HLCS: variants seen among roughly 807,000 people sequenced by gnomAD.
HLCS encodes biotin--protein ligase.
HLCS carries 53 observed loss-of-function variants against 75.0 expected under a neutral mutation model. The ratio of observed to expected loss-of-function variants is 0.71; its 90% CI spans 0.57 to 0.89. The LOEUF (loss-of-function observed/expected upper bound fraction) is 0.89, where lower values mean the gene tolerates loss of function less well. HLCS is among the 40% of genes least tolerant of loss of function. The probability of loss-of-function intolerance (pLI) is 0.00; values close to 1 mark genes in which losing one functional copy is unlikely to be tolerated. For missense variants in HLCS, 966 were observed against 1,074.0 expected, an observed-to-expected ratio of 0.90 and a Z score of 1.41; for synonymous variants, 431 against 428.6, an observed-to-expected ratio of 1.01 and a Z score of -0.07.
chr21:36,771,138 T>G (rs993596319), intron 6 of HLCS, among the ~76,000 whole-genome samples: 8 of 151,964 alleles, frequency 5.3e-5, no homozygotes, highest in Non-Finnish European at 8.8e-5. Context: ...GAGAATGGCG[T>G]GAACCCGGGA....
chr21:36,937,622 T>G (rs1197563628), intron 3 of HLCS, among the ~76,000 whole-genome samples: 2 of 152,158 alleles, frequency 1.3e-5, no homozygotes, highest in African/African-American at 4.8e-5. Context: ...GCCCAACATC[T>G]TTTATACCTA....
intron 6 of HLCS, among the ~76,000 whole-genome samples, chr21:36,849,153 C>T (rs2062898012): frequency 6.6e-6 from 1 of 152,112 alleles, no homozygotes; most frequent in Non-Finnish European, 1.5e-5. Context: ...TTAACAATGA[C>T]CCAGAAAATG....
chr21:36,875,139 AGCATAG>A (rs1267862598), intron 6 of HLCS, among the ~76,000 whole-genome samples: 1 of 152,164 alleles, frequency 6.6e-6, no homozygotes, highest in African/African-American at 2.4e-5. Flanking sequence ...GGTGCCCCTC[AGCATAG>A]ACAGCTGGGC....
chr21:36,795,771 A>G (rs748435803), intron 6 of HLCS, among the ~76,000 whole-genome samples: 8 of 152,252 alleles, frequency 5.3e-5, no homozygotes, highest in Non-Finnish European at 1.2e-4. Context: ...AGATCCTGCC[A>G]TTAATTCCTC....
intron 1 of HLCS, among the ~76,000 whole-genome samples, chr21:36,972,684 CA>C (rs2068823678): frequency 6.6e-6 from 1 of 152,132 alleles, no homozygotes; most frequent in Non-Finnish European, 1.5e-5. Context: ...GGAATCTATG[CA>C]TATTTTTGGT....
intron 6 of HLCS, among the ~76,000 whole-genome samples, chr21:36,807,195 G>C (rs1485766056): frequency 1.3e-5 from 2 of 152,088 alleles, no homozygotes; most frequent in African/African-American, 2.4e-5. Flanking sequence ...AGAGGCTTAC[G>C]CAAGAGCATG....
chr21:36,932,556 G>A (rs978812042), intron 4 of HLCS, among the ~76,000 whole-genome samples: 1 of 152,142 alleles, frequency 6.6e-6, no homozygotes, highest in East Asian at 1.9e-4. Flanking sequence ...GTCTGGGTAT[G>A]AAGGAACTTA....
At chr21:36,881,807 G>C (rs1467759988) in intron 6 of HLCS, among the ~76,000 whole-genome samples, 1 of 152,180 alleles carries the variant, frequency 6.6e-6, no homozygotes, top group Non-Finnish European at 1.5e-5. Context: ...AAGGCTCCCA[G>C]GACCCATGTG....
intron 1 of HLCS, among the ~76,000 whole-genome samples, chr21:36,989,924 A>AGGCCGCGCTGCCCTG (rs2069314923): frequency 6.6e-6 from 1 of 150,810 alleles, no homozygotes; most frequent in Non-Finnish European, 1.5e-5. Flanking sequence ...CGGCGCGCGG[A>AGGCCGCGCTGCCCTG]GGCCGCGCTG....
intron 6 of HLCS, among the ~76,000 whole-genome samples, chr21:36,787,935 G>T (rs1396475174): frequency 1.3e-5 from 2 of 152,178 alleles, no homozygotes; most frequent in Non-Finnish European, 2.9e-5. Flanking sequence ...GGCTGCCAGG[G>T]CTTTCTGGGG....
At chr21:36,855,935 AAT>A (rs1449454790) in intron 6 of HLCS, among the ~76,000 whole-genome samples, 6 of 152,134 alleles carry the variant, frequency 3.9e-5, no homozygotes, top group African/African-American at 7.2e-5. Flanking sequence ...GAATCTTGAA[AAT>A]ATTATGCTAG....
intron 5 of HLCS, among the ~76,000 whole-genome samples, chr21:36,928,413 A>G (rs754524873): frequency 1.3e-5 from 2 of 152,122 alleles, no homozygotes; most frequent in East Asian, 1.9e-4. Context: ...TACAAAAAGT[A>G]TTAAAAATTA....
intron 2 of HLCS, among the ~76,000 whole-genome samples, chr21:36,956,988 T>A (rs976482969): frequency 6.8e-6 from 1 of 147,220 alleles, no homozygotes; most frequent in Non-Finnish European, 1.5e-5. Flanking sequence ...AGGAGGTAGA[T>A]GTTGCAGTGA....
At chr21:36,867,308 T>C (rs1808034277) in intron 6 of HLCS, among the ~76,000 whole-genome samples, 1 of 152,226 alleles carries the variant, frequency 6.6e-6, no homozygotes, top group Non-Finnish European at 1.5e-5. Flanking sequence ...TGTGGTATAA[T>C]GTACAGTAGT....
At chr21:36,981,464 G>A (rs8134007) in intron 1 of HLCS, among the ~76,000 whole-genome samples, 16,640 of 139,900 alleles carry the variant, frequency 0.12, 1,535 homozygotes, top group African/African-American at 0.27. Flanking sequence ...GCAGTGGCAC[G>A]ATCTTGGCTC....
chr21:36,801,795 A>T (rs7281557), intron 6 of HLCS, among the ~76,000 whole-genome samples: 1,504 of 147,912 alleles, frequency 0.01, 23 homozygotes, highest in South Asian at 0.076. Context: ...TTTTTTTTTT[A>T]AATTTTTTAA....
At chr21:36,797,463 C>T (rs2061062055) in intron 6 of HLCS, among the ~76,000 whole-genome samples, 1 of 151,902 alleles carries the variant, frequency 6.6e-6, no homozygotes, top group African/African-American at 2.4e-5. Flanking sequence ...TTTGTGTTTT[C>T]ATAAATAGTA....
intron 6 of HLCS, among the ~76,000 whole-genome samples, chr21:36,852,285 G>A (rs979173184): frequency 1.2e-4 from 19 of 152,206 alleles, no homozygotes; most frequent in Non-Finnish European, 2.8e-4. Flanking sequence ...TACATCAGCT[G>A]TTAGTAAATC....
At chr21:36,919,785 G>C (rs1041816997) in intron 5 of HLCS, among the ~76,000 whole-genome samples, 3 of 152,136 alleles carry the variant, frequency 2.0e-5, no homozygotes, top group African/African-American at 7.2e-5. Flanking sequence ...TTATTTCATT[G>C]TGCTGAAATT....
Sources: allele counts gnomAD v4.1 joint callset (sites outside exome capture counted in the v4.1 genomes callset), GRCh38; gene constraint gnomAD v4.1.1; transcripts MANE v1.5; gene names NCBI Gene and HGNC (gene_info 2026-07-23, HGNC 2026-07-21).